Variants in TMEM59 observed in about 807,000 individuals in gnomAD.
TMEM59 encodes the protein transmembrane protein 59.
In TMEM59, 44 loss-of-function variants were observed where a neutral mutation model predicts 42.2. The observed-to-expected ratio is 1.04, with a 90% CI of 0.82 to 1.34. TMEM59 has a LOEUF of 1.34. Ranked by LOEUF, TMEM59 falls within the 40% of genes most tolerant of loss-of-function variation. TMEM59 has a pLI of 0.00. For missense variants in TMEM59, 359 were observed against 382.8 expected (o/e 0.94, Z 0.52); for synonymous variants, 148 against 145.8 (o/e 1.02, Z -0.11).
chr1:54,050,117 A>C (rs796449263), intron 1 of TMEM59, among the ~76,000 whole-genome samples: 3 of 151,430 alleles, frequency 2.0e-5, no homozygotes, highest in African/African-American at 7.3e-5. Context: ...AAAGTGTCTG[A>C]GATTTCTTTT....
chr1:54,036,216 G>C lies in TMEM59; in HGVS notation c.816+394C>G, dbSNP rs1025263317. Among the ~76,000 whole-genome samples, 6 of 152,042 alleles carry C rather than the reference G, an allele frequency of 3.9e-5. No individual in the cohort carries two copies. In the East Asian group the frequency reaches 9.7e-4, roughly 25 times the overall value. On this transcript the variant is annotated intron_variant, in intron 7 of 7. Transcript: ENST00000234831. Reference sequence around the variant, plus strand: ...GAATCACTTGAACCTAGGAAGCAGAGGTTGCAGTGAGCCAAGATCCTGGCC... The same window carrying C: ...GAATCACTTGAACCTAGGAAGCAGACGTTGCAGTGAGCCAAGATCCTGGCC...
Position 54,027,248 on chromosome 1 carries a change from T to C in TMEM59, c.*4902A>G, listed in dbSNP as rs767141026. ...TAATTTTAGAACCACCATGCAGTCT[T>C]ATTTTGTGTTAACAGAATATGTATG... is the stretch of plus-strand genomic sequence containing the variant. On this transcript the variant is annotated 3_prime_UTR_variant, in exon 8 of 8. Transcript: ENST00000234831. 1 of 152,256 alleles carries C rather than the reference T, an allele frequency of 6.6e-6. No homozygotes were observed. The highest frequency in any genetic ancestry group is 1.5e-5 in the Non-Finnish European group (1 of 68,042). 9.4% of individuals were successfully genotyped at this position (152,256 alleles called of 1,614,324 possible). A position where few individuals can be genotyped will look rare whatever the true frequency, so the allele number is the denominator to read the frequency against.
At chr1:54,042,456 A>G (rs1657173961) in intron 4 of TMEM59, among the ~76,000 whole-genome samples, 1 of 152,206 alleles carries the variant, frequency 6.6e-6, no homozygotes, top group African/African-American at 2.4e-5. Flanking sequence ...TTTAGGACCT[A>G]GAACTTGTTC....
At chr1:54,052,393 C>T (rs1480682556) in intron 1 of TMEM59, among the ~76,000 whole-genome samples, 1 of 152,192 alleles carries the variant, frequency 6.6e-6, no homozygotes, top group Non-Finnish European at 1.5e-5. Context: ...AGGCAGACAC[C>T]TAATTGCCTC....
At chr1:54,043,075 T>A (rs890074666) in intron 4 of TMEM59, among the ~76,000 whole-genome samples, 15 of 152,192 alleles carry the variant, frequency 9.9e-5, no homozygotes, top group Non-Finnish European at 2.9e-5. Flanking sequence ...AGTATATTAA[T>A]TATTGTCTCT....
At chr1:54,041,864 A>G (rs913545864) in intron 4 of TMEM59, 59 bp from the exon 5 acceptor site, 6 of 1,341,026 alleles carry the variant, frequency 4.5e-6, no homozygotes, top group Middle Eastern at 3.7e-4. Flanking sequence ...TTTCAGTAAC[A>G]AGTTCTAAAA....
chr1:54,027,862 A>C lies in TMEM59; in HGVS notation c.*4288T>G, dbSNP rs1185063733. The C allele has an allele frequency of 6.6e-6, 1 of 152,204 alleles. No homozygotes were observed. Among genetic ancestry groups the C allele is most frequent in the Non-Finnish European group, 1.5e-5 (1 of 68,048 alleles). The allele number at this position is 152,204 out of a possible 1,614,324, so 9.4% of individuals were successfully genotyped here. On this transcript the variant is annotated 3_prime_UTR_variant, in exon 8 of 8. Transcript: ENST00000234831. ...AACTGTGCTCCAGAATTTAATTACC[A>C]CAAGGAGTTAGAAAATCCACACTAC...
rs761878512 is a variant in TMEM59, at chr1:54,046,741, A to G, written c.295+526T>C. On this transcript the variant is annotated intron_variant, in intron 2 of 7. Coordinates refer to ENST00000234831, the MANE Select transcript of TMEM59 (RefSeq NM_004872.5). ...TAGTTATTTAAAAAGTTAAACGTCA[A>G]TTGTGTCCTGATTATAGGTTTCTTT... 9.9e-5 allele frequency among the ~76,000 whole-genome samples: 15 copies of G among 152,252 alleles called. 1 individual carries two copies. Among genetic ancestry groups the G allele is most frequent in the Non-Finnish European group, 2.2e-4 (15 of 68,044 alleles).
chr1:54,036,540 C>T, intron 7 of TMEM59, 70 bp downstream of exon 7: 1 of 1,165,416 alleles, frequency 8.6e-7, no homozygotes, highest in East Asian at 2.8e-5. Context: ...GTTTTTCCAG[C>T]TAAACAAATA....
Position 54,031,479 on chromosome 1 carries a change from C to T in TMEM59, c.*671G>A, listed in dbSNP as rs1047840175. ...AAAATAGTTCTTTGGAAACACTCAT[C>T]AAACAAAAACCTATAGCCTGTGCAA... On this transcript the variant is annotated 3_prime_UTR_variant, in exon 8 of 8. Transcript: ENST00000234831. 8.5e-5 allele frequency: 13 copies of T among 152,440 alleles called. No individual in the cohort carries two copies. The highest frequency in any genetic ancestry group is 3.1e-4 in the African/African-American group (13 of 41,452). The allele number at this position is 152,440 out of a possible 1,614,324, so 9.4% of individuals were successfully genotyped here.
intron 1 of TMEM59, among the ~76,000 whole-genome samples, chr1:54,050,412 C>T (rs1025116959): frequency 6.6e-6 from 1 of 152,066 alleles, no homozygotes; most frequent in Non-Finnish European, 1.5e-5. Flanking sequence ...CGTGAGCCAC[C>T]GCGCCCAGCC....
chr1:54,041,883 C>T, intron 4 of TMEM59, 78 bp from the exon 5 acceptor site: 1 of 1,104,846 alleles, frequency 9.1e-7, no homozygotes, highest in Non-Finnish European at 1.3e-6. Context: ...AACAAATCAT[C>T]TCTTTAAACA....
chr1:54,053,195 C>T lies in TMEM59; in HGVS notation c.-7G>A, dbSNP rs1023116273. On this transcript the variant is annotated 5_prime_UTR_variant, in exon 1 of 8. Transcript: ENST00000234831. ...TCCCCTTCGGCGCCGCCATCTTGTT[C>T]CCCTCTGTCACAGCAGCTCAGCTTG... 5 of 1,613,674 alleles carry T rather than the reference C, an allele frequency of 3.1e-6. No individual in the cohort carries two copies. Among genetic ancestry groups the T allele is most frequent in the Admixed American group, 1.7e-5 (1 of 59,970 alleles).
chr1:54,031,015 G>C lies in TMEM59; in HGVS notation c.*1135C>G, dbSNP rs1656749364. On this transcript the variant is annotated 3_prime_UTR_variant, in exon 8 of 8. Transcript: ENST00000234831. ...GCCTGTAATCCCAGCACTTTGGAAG[G>C]CCTAAGTGGGTGGATCACCTGAGGT... 1 of 152,176 alleles carries C rather than the reference G, an allele frequency of 6.6e-6. No individual in the cohort carries two copies. The highest frequency in any genetic ancestry group is 1.5e-5 in the Non-Finnish European group (1 of 68,054). The allele number at this position is 152,176 out of a possible 1,614,324, so 9.4% of individuals were successfully genotyped here.
intron 4 of TMEM59, among the ~76,000 whole-genome samples, chr1:54,043,097 A>T (rs1284938769): frequency 6.6e-6 from 1 of 152,188 alleles, no homozygotes; most frequent in Non-Finnish European, 1.5e-5. Flanking sequence ...ATATTTAAAA[A>T]TTTCATTTTA....
At position 54,027,451 on chromosome 1, in the gene TMEM59, TA is replaced by T. The variant is rs1656634791; in HGVS notation, c.*4698del. ...AAAAAGTTTGAAACAAATAAGTCAT[TA>T]ATATCACAGGAAGAGAGTACTTAAT... On this transcript the variant is annotated 3_prime_UTR_variant, in exon 8 of 8. Coordinates refer to ENST00000234831, the MANE Select transcript of TMEM59 (RefSeq NM_004872.5). The T allele has an allele frequency of 6.6e-6, 1 of 152,058 alleles. No homozygotes were observed. The highest frequency in any genetic ancestry group is 2.1e-4 in the South Asian group (1 of 4,822). 9.4% of individuals were successfully genotyped at this position (152,058 alleles called of 1,614,324 possible). A position where few individuals can be genotyped will look rare whatever the true frequency, so the allele number is the denominator to read the frequency against.
At chr1:54,047,102 A>C (rs1234828699) in intron 2 of TMEM59, among the ~76,000 whole-genome samples, 165 bp downstream of exon 2, 3 of 152,250 alleles carry the variant, frequency 2.0e-5, no homozygotes, top group Non-Finnish European at 2.9e-5. Context: ...AGCCCATGAA[A>C]TTTCTAGCAG....
chr1:54,047,242 T>C (rs1020207418), intron 2 of TMEM59, 25 bp downstream of exon 2: 3 of 1,567,020 alleles, frequency 1.9e-6, no homozygotes, highest in Admixed American at 3.6e-5. Flanking sequence ...TACATACAGC[T>C]GATGTCGTTA....
Position 54,032,284 on chromosome 1 carries a change from A to C in TMEM59, c.838T>G (p.Leu280Val), listed in dbSNP as rs1051960256. The C allele has an allele frequency of 6.2e-7, 1 of 1,608,306 alleles. No individual in the cohort carries two copies. The highest frequency in any genetic ancestry group is 1.7e-5 in the Admixed American group (1 of 59,754). The change falls in exon 8 of 8, where the codon TTG becomes GTG. Residue 280 changes from leucine to valine, a missense_variant. Coordinates refer to ENST00000234831, the MANE Select transcript of TMEM59 (RefSeq NM_004872.5). ...PSEKLSIYGD[L>V]EFMNEQKLNR... Reference sequence around the variant, plus strand: ...AGCTTTTGTTCATTCATAAACTCCAAGTCACCATAGATACTCAGCTTCTGC... The same window carrying C: ...AGCTTTTGTTCATTCATAAACTCCACGTCACCATAGATACTCAGCTTCTGC...
Sources: gnomAD v4.1 joint callset for allele counts (sites outside exome capture counted in the v4.1 genomes callset) on GRCh38, gnomAD v4.1.1 for gene constraint, MANE v1.5 for transcripts, NCBI Gene and HGNC (gene_info 2026-07-23, HGNC 2026-07-21) for gene names.